The following LRP1B variants were observed in gnomAD, a reference collection of about 807,000 sequenced individuals.
The protein encoded by LRP1B is low-density lipoprotein receptor-related protein 1B.
Under a neutral mutation model 556.6 loss-of-function variants are expected in LRP1B, and 217 were observed. The observed-to-expected ratio is 0.39, with a 90% CI of 0.35 to 0.44. The LOEUF (loss-of-function observed/expected upper bound fraction) is 0.44. LRP1B is among the 20% of genes least tolerant of loss of function. The pLI is 1.00. For missense variants in LRP1B, 5,053 were observed against 5,620.8 expected (o/e 0.90, Z 3.23); for synonymous variants, 2,047 against 1,865.8 (o/e 1.10, Z -2.50).
At chr2:141,709,447 GC>G (rs1692275175) in intron 2 of LRP1B, among the ~76,000 whole-genome samples, 1 of 151,994 alleles carries the variant, frequency 6.6e-6, no homozygotes, top group South Asian at 2.1e-4. Flanking sequence ...CCCAACTATG[GC>G]TCTGATTAAA....
intron 1 of LRP1B, among the ~76,000 whole-genome samples, chr2:141,921,968 T>C (rs1700197510): frequency 6.6e-6 from 1 of 152,088 alleles, no homozygotes; most frequent in Non-Finnish European, 1.5e-5. Flanking sequence ...GCCATAAACC[T>C]TTCCAAAGAA....
chr2:140,533,041 C>G (rs900405602), intron 47 of LRP1B, among the ~76,000 whole-genome samples: 11 of 147,934 alleles, frequency 7.4e-5, no homozygotes, highest in African/African-American at 2.8e-4. Context: ...TTTTGCGTCT[C>G]GAACCTTAAT....
Position 141,100,150 on chromosome 2 carries a change from T to C in LRP1B, c.1014-37877A>G, listed in dbSNP as rs79563729. Among the ~76,000 whole-genome samples, 1,233 of 152,250 alleles carry C rather than the reference T, an allele frequency of 8.1e-3. 17 individuals are homozygous for C. Among genetic ancestry groups the C allele is most frequent in the African/African-American group, 0.028 (1,184 of 41,554 alleles). ...AAATGACAAGATGTGAAACCTAATATACCAGACTTTAATAGCTCACAGGGG... is the reference window on the plus strand; with the variant it reads ...AAATGACAAGATGTGAAACCTAATACACCAGACTTTAATAGCTCACAGGGG... On this transcript the variant is annotated intron_variant, in intron 7 of 90. Transcript: ENST00000389484.
At chr2:140,769,116 T>G (rs565244101) in intron 35 of LRP1B, 97 bp downstream of exon 35, 1 of 1,120,968 alleles carries the variant, frequency 8.9e-7, no homozygotes, top group East Asian at 2.5e-5. Flanking sequence ...TTTCTCATCT[T>G]GACTATTAAA....
intron 1 of LRP1B, among the ~76,000 whole-genome samples, chr2:141,864,931 GTTGTA>G (rs1474981595): frequency 6.6e-6 from 1 of 151,954 alleles, no homozygotes; most frequent in Non-Finnish European, 1.5e-5. Context: ...GAAATGTGGT[GTTGTA>G]TTGTTAATAA....
At chr2:141,605,008 TG>T (rs1687863218) in intron 2 of LRP1B, among the ~76,000 whole-genome samples, 1 of 151,598 alleles carries the variant, frequency 6.6e-6, no homozygotes, top group South Asian at 2.1e-4. Flanking sequence ...GCAGGCAGAG[TG>T]GGCCAGTAGT....
chr2:141,059,154 C>T, intron 8 of LRP1B, 100 bp from the exon 9 acceptor site: 1 of 731,170 alleles, frequency 1.4e-6, no homozygotes, highest in Non-Finnish European at 2.1e-6. Flanking sequence ...ATGGCCACAG[C>T]AGAAGAACCG....
At chr2:140,314,290 C>T (rs1684425733) in intron 83 of LRP1B, among the ~76,000 whole-genome samples, 1 of 151,980 alleles carries the variant, frequency 6.6e-6, no homozygotes. Context: ...ATTTTTTCCT[C>T]ATGGGACACA....
At chr2:141,813,362 T>C (rs1466654682) in intron 1 of LRP1B, among the ~76,000 whole-genome samples, 1 of 152,044 alleles carries the variant, frequency 6.6e-6, no homozygotes, top group Non-Finnish European at 1.5e-5. Context: ...AGAGTATATG[T>C]CACAGAGAAT....
chr2:141,135,462 A>T (rs577511028), intron 7 of LRP1B, among the ~76,000 whole-genome samples: 1 of 152,110 alleles, frequency 6.6e-6, no homozygotes, highest in African/African-American at 2.4e-5. Context: ...AATCAACAAA[A>T]CCAACACATA....
At chr2:140,403,006 A>C (rs1178682707) in intron 66 of LRP1B, among the ~76,000 whole-genome samples, 2 of 152,202 alleles carry the variant, frequency 1.3e-5, no homozygotes, top group Non-Finnish European at 2.9e-5. Context: ...AAACCATCAT[A>C]CAAAGACTAT....
At chr2:140,644,842 AC>A (rs1179245392) in intron 41 of LRP1B, among the ~76,000 whole-genome samples, 1 of 152,206 alleles carries the variant, frequency 6.6e-6, no homozygotes, top group African/African-American at 2.4e-5. Context: ...ATCGATCAGT[AC>A]AAGTACTCCT....
chr2:141,035,456 TTTA>T (rs1698505486), intron 11 of LRP1B, among the ~76,000 whole-genome samples: 1 of 152,018 alleles, frequency 6.6e-6, no homozygotes, highest in African/African-American at 2.4e-5. Context: ...CCTCGTTTCA[TTTA>T]TTATTTGGCA....
At chr2:141,772,170 GC>G (rs1694922642) in intron 2 of LRP1B, among the ~76,000 whole-genome samples, 1 of 152,076 alleles carries the variant, frequency 6.6e-6, no homozygotes. Flanking sequence ...CGGGAAGAGG[GC>G]TTTCACTCAA....
At position 141,602,844 on chromosome 2, in the gene LRP1B, G is replaced by T. The variant is rs184044324; in HGVS notation, c.206-122311C>A. Reference sequence around the variant, plus strand: ...CAATTAGAGATTAACATGAGGTTGGGCAGTCCTCATAACTAACTGGTTGAT... The same window carrying T: ...CAATTAGAGATTAACATGAGGTTGGTCAGTCCTCATAACTAACTGGTTGAT... On this transcript the variant is annotated intron_variant, in intron 2 of 90. Transcript: ENST00000389484. Among the ~76,000 whole-genome samples the T allele has an allele frequency of 2.6e-4, 40 of 152,254 alleles. 2 individuals carry two copies. The East Asian group carries it at 7.5e-3, about 29-fold the overall frequency.
Position 141,376,788 on chromosome 2 carries a change from T to G in LRP1B, c.343+103608A>C, listed in dbSNP as rs1178426254. 7.2e-5 allele frequency among the ~76,000 whole-genome samples: 11 copies of G among 152,286 alleles called. No individual in the cohort carries two copies. The South Asian group carries it at 1.0e-3, about 14-fold the overall frequency. On this transcript the variant is annotated intron_variant, in intron 3 of 90. Coordinates refer to ENST00000389484, the MANE Select transcript of LRP1B (RefSeq NM_018557.3). ...TATGTTGATAGTCATGTTAGTAATA[T>G]TAAATTTTATAAAATTATCAGACTA...
At chr2:140,964,512 C>T (rs947119695) in intron 18 of LRP1B, among the ~76,000 whole-genome samples, 3 of 151,894 alleles carry the variant, frequency 2.0e-5, no homozygotes, top group African/African-American at 7.3e-5. Flanking sequence ...TCTTCCCAGA[C>T]GCTGATGTCA....
At chr2:141,764,422 T>C (rs1006100495) in intron 2 of LRP1B, among the ~76,000 whole-genome samples, 6 of 152,146 alleles carry the variant, frequency 3.9e-5, no homozygotes, top group Non-Finnish European at 2.9e-5. Context: ...GACCTCGTGA[T>C]CCACCTGCCT....
At chr2:141,017,562 G>A (rs956897933) in intron 12 of LRP1B, among the ~76,000 whole-genome samples, 2 of 151,544 alleles carry the variant, frequency 1.3e-5, no homozygotes, top group African/African-American at 2.4e-5. Context: ...TTCGCCAACT[G>A]ATCCAGCACC....
Sources: gnomAD v4.1 joint callset for allele counts (sites outside exome capture counted in the v4.1 genomes callset) on GRCh38, gnomAD v4.1.1 for gene constraint, MANE v1.5 for transcripts, NCBI Gene and HGNC (gene_info 2026-07-23, HGNC 2026-07-21) for gene names.